Variants in KIF14 observed in about 807,000 individuals in gnomAD.
KIF14 encodes kinesin family member 14.
A neutral mutation model predicts 176.2 loss-of-function variants in KIF14; 98 were observed. The ratio of observed to expected loss-of-function variants is 0.56; its 90% CI spans 0.47 to 0.66. The LOEUF (loss-of-function observed/expected upper bound fraction) is 0.66. KIF14 is among the 30% of genes least tolerant of loss of function. KIF14 has a pLI of 0.00. For missense variants in KIF14, 1,751 were observed against 1,920.4 expected (o/e 0.91, Z 1.65); for synonymous variants, 566 against 632.2 (o/e 0.90, Z 1.57).
intron 21 of KIF14, among the ~76,000 whole-genome samples, chr1:200,578,139 T>A (rs1658235767): frequency 1.3e-5 from 2 of 152,200 alleles, no homozygotes; most frequent in South Asian, 2.1e-4. Context: ...TCTTTATGTT[T>A]ACTTAAATGC....
rs748004460 is a variant in KIF14, at chr1:200,590,107, A to G, written c.2961+18T>C. ...TACACTGTCGGAAAAAAAAAATAAA[A>G]CTAATTCTGCCTTTTACCAGTTCTG... is the stretch of plus-strand genomic sequence containing the variant. On this transcript the variant is annotated intron_variant, in intron 17 of 29. Transcript: ENST00000367350. 1.3e-5 allele frequency: 20 copies of G among 1,590,696 alleles called. No individual in the cohort carries two copies. In the Middle Eastern group the frequency reaches 5.1e-4, roughly 40 times the overall value.
At chr1:200,573,195 G>A (rs974202338) in intron 22 of KIF14, among the ~76,000 whole-genome samples, 4 of 152,084 alleles carry the variant, frequency 2.6e-5, no homozygotes, top group Non-Finnish European at 2.9e-5. Context: ...CAGCTGCTCT[G>A]TACATAGGAC....
intron 8 of KIF14, 142 bp from the exon 9 acceptor site, chr1:200,604,097 C>CAAAA: frequency 1.7e-6 from 1 of 581,044 alleles, no homozygotes; most frequent in Non-Finnish European, 3.1e-6. Context: ...GACAGGGTCT[C>CAAAA]ACTCTGTTGC....
At chr1:200,555,249 G>T in intron 28 of KIF14, 131 bp downstream of exon 28, 1 of 595,868 alleles carries the variant, frequency 1.7e-6, no homozygotes, top group Non-Finnish European at 3.0e-6. Flanking sequence ...TATCTTACAT[G>T]CTACAATTAG....
chr1:200,581,760 C>CTTTTTTTTTTTTTTTTTTTT (rs1558064089), intron 19 of KIF14, among the ~76,000 whole-genome samples: 1 of 102,406 alleles, frequency 9.8e-6, no homozygotes, highest in Non-Finnish European at 1.9e-5. Context: ...ATTTCACTTT[C>CTTTTTTTTTTTTTTTTTTTT]CTTTTTTTTT....
At chr1:200,589,635 C>T (rs1252652524) in intron 17 of KIF14, among the ~76,000 whole-genome samples, 2 of 149,624 alleles carry the variant, frequency 1.3e-5, no homozygotes, top group African/African-American at 4.9e-5. Flanking sequence ...ATTTTTATTC[C>T]AGTAGCCATT....
chr1:200,611,569 T>C (rs1206468935), intron 4 of KIF14, among the ~76,000 whole-genome samples: 2 of 152,180 alleles, frequency 1.3e-5, no homozygotes, highest in African/African-American at 4.8e-5. Flanking sequence ...TATTTTATGT[T>C]ATAGAGGCTC....
In KIF14 at chr1:200,573,528, C is replaced by T. The variant is rs189980546; in HGVS notation, c.3566+2063G>A. ...GGCTCACTGCAAGCTCCTCCGCCTC[C>T]CGGGTTCACGCCATTCTCCTGCCTC... is the stretch of plus-strand genomic sequence containing the variant. On this transcript the variant is annotated intron_variant, in intron 22 of 29. Transcript: ENST00000367350. Among the ~76,000 whole-genome samples, 425 of 150,098 alleles carry T rather than the reference C, an allele frequency of 2.8e-3. 2 individuals carry two copies. The highest frequency in any genetic ancestry group is 9.1e-3 in the African/African-American group (371 of 40,716).
At chr1:200,609,040 CA>C in intron 4 of KIF14, 112 bp from the exon 5 acceptor site, 1 of 540,602 alleles carries the variant, frequency 1.8e-6, no homozygotes, top group Non-Finnish European at 3.2e-6. Context: ...TCCTACAACT[CA>C]ACAACATAAA....
chr1:200,586,826 A>T (rs1409447887), intron 18 of KIF14, among the ~76,000 whole-genome samples: 1 of 144,636 alleles, frequency 6.9e-6, no homozygotes, highest in Non-Finnish European at 1.6e-5. Flanking sequence ...TACACCATGA[A>T]ATACTACCCA....
At chr1:200,606,846 A>T in intron 5 of KIF14, 48 bp from the exon 6 acceptor site, 1 of 1,403,416 alleles carries the variant, frequency 7.1e-7, no homozygotes. Flanking sequence ...CAAATATTTC[A>T]TGTAACTTGA....
intron 17 of KIF14, among the ~76,000 whole-genome samples, chr1:200,589,740 C>A (rs1395081876): frequency 7.5e-6 from 1 of 133,746 alleles, no homozygotes; most frequent in Non-Finnish European, 1.5e-5. Flanking sequence ...CAGCCTTGAC[C>A]TCCCTGGGCT....
chr1:200,604,854 A>G (rs1659794747), intron 8 of KIF14, among the ~76,000 whole-genome samples: 1 of 152,044 alleles, frequency 6.6e-6, no homozygotes, highest in Non-Finnish European at 1.5e-5. Flanking sequence ...TTACTTTCTG[A>G]TGTTTTTCTA....
chr1:200,581,231 C>T lies in KIF14; in HGVS notation c.3305G>A (p.Ser1102Asn), dbSNP rs1571503552. 6.2e-7 allele frequency: 1 copy of T among 1,601,128 alleles called. No homozygotes were observed. Among genetic ancestry groups the T allele is most frequent in the South Asian group, 1.1e-5 (1 of 88,880 alleles). The part of the protein sequence containing the change: ...MMIQEANAIS[S>N]KLKTYYVFGR... ...AAAAACATAGTATGTTTTCAATTTG[C>T]TGCTGATAGCATTGGCTTCCTGAAT... Residue 1102 changes from serine to asparagine, a missense_variant, in exon 20 of 30, where the codon AGC (serine) becomes AAC (asparagine). Physicochemically the swap from Ser to Asn is conservative, Grantham distance 46. Transcript: ENST00000367350.
rs1657991935 is a variant in KIF14, at chr1:200,574,555, C to G, written c.3566+1036G>C. ...GCCTCTACTTTCCTCAATTCCTGGT[C>G]TTTCAGGACAGAGCATACTTTGTAT... On this transcript the variant is annotated intron_variant, in intron 22 of 29. Transcript: ENST00000367350. 2.0e-5 allele frequency among the ~76,000 whole-genome samples: 3 copies of G among 152,210 alleles called. No individual in the cohort carries two copies. The South Asian group carries it at 6.2e-4, about 31-fold the overall frequency.
Position 200,565,132 on chromosome 1 carries a change from T to C in KIF14, c.4008A>G (p.Arg1336=). The C allele has an allele frequency of 1.2e-6, 2 of 1,613,932 alleles. No individual in the cohort carries two copies. ...SDLLPCTNIA[R]LEDELRQEVK... ...CTTCTTGTCTCAACTCATCCTCAAG[T>C]CTTGCTATGTTGGTACAAGGCAGTA... Residue 1336 remains arginine (R), a synonymous_variant, in exon 25 of 30, where the codon AGA becomes AGG. Transcript: ENST00000367350.
At chr1:200,579,582 C>T (rs930284489) in intron 21 of KIF14, among the ~76,000 whole-genome samples, 2 of 151,256 alleles carry the variant, frequency 1.3e-5, no homozygotes, top group Admixed American at 6.6e-5. Flanking sequence ...GCACTCCAGC[C>T]TGGGCAACAA....
chr1:200,601,424 A>T (rs1250582856), intron 11 of KIF14, among the ~76,000 whole-genome samples: 1 of 152,216 alleles, frequency 6.6e-6, no homozygotes, highest in Middle Eastern at 3.2e-3. Context: ...GTCTATCCTA[A>T]ATTGATGATT....
Position 200,608,825 on chromosome 1 carries a change from C to A in KIF14, c.1554+5G>T. ...AAAACAAATAATAAATTGTTTTAATCTTACTGGTTGCTTTCTCTGCCCATT... is the reference window on the plus strand; with the variant it reads ...AAAACAAATAATAAATTGTTTTAATATTACTGGTTGCTTTCTCTGCCCATT... On this transcript the variant is annotated splice_donor_5th_base_variant and intron_variant, in intron 5 of 29. Coordinates refer to ENST00000367350, the MANE Select transcript of KIF14 (RefSeq NM_014875.3). 6.5e-7 allele frequency: 1 copy of A among 1,528,286 alleles called. No individual in the cohort carries two copies. Among genetic ancestry groups the A allele is most frequent in the Non-Finnish European group, 9.1e-7 (1 of 1,104,076 alleles). 94.7% of individuals were successfully genotyped at this position (1,528,286 alleles called of 1,614,324 possible).
Sources: allele counts gnomAD v4.1 joint callset (sites outside exome capture counted in the v4.1 genomes callset), GRCh38; gene constraint gnomAD v4.1.1; transcripts MANE v1.5; gene names NCBI Gene and HGNC (gene_info 2026-07-23, HGNC 2026-07-21).